The following CNIH3 variants were observed in gnomAD, a reference collection of about 807,000 sequenced individuals.
The protein encoded by CNIH3 is cornichon family AMPA receptor auxiliary protein 3.
A neutral mutation model predicts 24.1 loss-of-function variants in CNIH3; 14 were observed. That is an observed-to-expected ratio of 0.58 (90% CI 0.38 to 0.91). CNIH3 has a LOEUF of 0.91. Ranked by LOEUF, CNIH3 falls within the 40% of genes least tolerant of loss-of-function variation. The pLI is 0.00. For missense variants in CNIH3, 178 were observed against 196.8 expected, an observed-to-expected ratio of 0.90 and a Z score of 0.57; for synonymous variants, 68 against 73.8, an observed-to-expected ratio of 0.92 and a Z score of 0.40.
intron 2 of CNIH3, among the ~76,000 whole-genome samples, chr1:224,534,799 C>T (rs1679217593): frequency 1.3e-5 from 2 of 152,224 alleles, no homozygotes; most frequent in Admixed American, 1.3e-4. Context: ...TTACTTTCCT[C>T]ACCTTTTCAC....
chr1:224,553,971 T>C (rs765972119), intron 3 of CNIH3, among the ~76,000 whole-genome samples: 2 of 152,148 alleles, frequency 1.3e-5, no homozygotes, highest in Non-Finnish European at 2.9e-5. Context: ...ACTCAGTTTG[T>C]TGAGGATTCA....
Position 224,740,153 on chromosome 1 carries a change from A to C in CNIH3, c.*797A>C, listed in dbSNP as rs1056092982. On this transcript the variant is annotated 3_prime_UTR_variant, in exon 6 of 6. Transcript: ENST00000272133. ...AACCCCAGACAGCTCAGAGCTCAGAAAATCCTGTGGAGTGGCTGCTCTGTA... is the reference window on the plus strand; with the variant it reads ...AACCCCAGACAGCTCAGAGCTCAGACAATCCTGTGGAGTGGCTGCTCTGTA... 6.6e-6 allele frequency: 1 copy of C among 152,230 alleles called. No individual in the cohort carries two copies. The highest frequency in any genetic ancestry group is 2.4e-5 in the African/African-American group (1 of 41,446). 9.4% of individuals were successfully genotyped at this position (152,230 alleles called of 1,614,324 possible).
chr1:224,608,852 G>C (rs979573254), intron 3 of CNIH3, among the ~76,000 whole-genome samples: 2 of 152,172 alleles, frequency 1.3e-5, no homozygotes, highest in Non-Finnish European at 2.9e-5. Context: ...TTGTACACGT[G>C]CTCACTTGAG....
chr1:224,583,611 C>A (rs1211401075), intron 5 of CNIH3, among the ~76,000 whole-genome samples: 1 of 152,154 alleles, frequency 6.6e-6, no homozygotes, highest in Non-Finnish European at 1.5e-5. Context: ...TTAGTGATTC[C>A]TAATCAGAGA....
At chr1:224,583,182 A>G (rs902447235) in exon 5 of CNIH3, 3 of 152,266 alleles carry the variant, frequency 2.0e-5, no homozygotes, top group Non-Finnish European at 4.4e-5. Context: ...AAAGTGCTGT[A>G]AGATTTCACA....
At chr1:224,545,021 C>T (rs906900340) in intron 2 of CNIH3, among the ~76,000 whole-genome samples, 1 of 152,222 alleles carries the variant, frequency 6.6e-6, no homozygotes, top group African/African-American at 2.4e-5. Context: ...AGGTCCTGCT[C>T]AGATAAGCCT....
intron 1 of CNIH3, among the ~76,000 whole-genome samples, chr1:224,519,691 A>G (rs1479900956): frequency 6.7e-6 from 1 of 150,198 alleles, no homozygotes; most frequent in South Asian, 2.1e-4. Context: ...GTATATGTAT[A>G]CTATATATGT....
upstream of CNIH3, among the ~76,000 whole-genome samples, chr1:224,513,305 C>T (rs902895014): frequency 8.9e-4 from 114 of 128,300 alleles, no homozygotes; most frequent in African/African-American, 3.3e-3. Flanking sequence ...CATACCACCA[C>T]ACCTGGTTAA....
At chr1:224,566,046 T>A (rs1680568325) in intron 3 of CNIH3, among the ~76,000 whole-genome samples, 1 of 148,982 alleles carries the variant, frequency 6.7e-6, no homozygotes, top group South Asian at 2.1e-4. Context: ...TTTTTTTTTA[T>A]TCTCTCCCCA....
At chr1:224,493,252 C>T (rs1166644222) in intron 1 of CNIH3, among the ~76,000 whole-genome samples, 9 of 151,978 alleles carry the variant, frequency 5.9e-5, no homozygotes, top group African/African-American at 1.5e-4. Context: ...GTGACTGATT[C>T]GTGTAATATA....
chr1:224,545,370 A>G (rs958057912), intron 2 of CNIH3, among the ~76,000 whole-genome samples: 4 of 152,206 alleles, frequency 2.6e-5, no homozygotes, highest in Non-Finnish European at 4.4e-5. Context: ...CAGAGTCTAC[A>G]ATGAACTGTG....
intron 3 of CNIH3, among the ~76,000 whole-genome samples, chr1:224,701,980 C>G (rs973642924): frequency 6.6e-6 from 1 of 152,148 alleles, no homozygotes; most frequent in African/African-American, 2.4e-5. Flanking sequence ...CACCCTTGTC[C>G]TTCCTAACTC....
chr1:224,616,658 C>A lies in CNIH3; in HGVS notation c.-517C>A. 15 of 988,196 alleles carry A rather than the reference C, an allele frequency of 1.5e-5. No homozygotes were observed. Among genetic ancestry groups the A allele is most frequent in the Non-Finnish European group, 1.7e-5 (14 of 831,968 alleles). 61.2% of individuals were successfully genotyped at this position (988,196 alleles called of 1,614,324 possible). On this transcript the variant is annotated 5_prime_UTR_variant, in exon 1 of 6. Transcript: ENST00000272133. ...GCCCGGCTCTGGGATTTGGGAGGAG[C>A]TCGGAGGCCGCTCGGGCACCTCGCT...
Position 224,684,344 on chromosome 1 carries a change from A to T in CNIH3, c.151-452A>T, listed in dbSNP as rs1686549966. Among the ~76,000 whole-genome samples the T allele has an allele frequency of 6.6e-6, 1 of 152,230 alleles. No homozygotes were observed. Among genetic ancestry groups the T allele is most frequent in the Non-Finnish European group, 1.5e-5 (1 of 68,038 alleles). ...TTAGAAAAATAAAACCAGCAGGCAG[A>T]GAACTTGTCTACCTTAGATACTAAT... is the stretch of plus-strand genomic sequence containing the variant. On this transcript the variant is annotated intron_variant, in intron 2 of 5. Coordinates refer to ENST00000272133, the MANE Select transcript of CNIH3 (RefSeq NM_152495.2). This position sits in a 1 kb window ranked among gnomAD's most constrained non-coding sequence, Gnocchi z 4.2.
At chr1:224,655,433 T>G (rs1332058388) in intron 1 of CNIH3, among the ~76,000 whole-genome samples, 1 of 152,010 alleles carries the variant, frequency 6.6e-6, no homozygotes, top group African/African-American at 2.4e-5. Context: ...ATGGAGGCTT[T>G]TGAGCGCAGT....
At chr1:224,678,243 T>G (rs1007861796) in intron 1 of CNIH3, among the ~76,000 whole-genome samples, 15 of 152,132 alleles carry the variant, frequency 9.9e-5, no homozygotes, top group African/African-American at 3.4e-4. Flanking sequence ...CAGAATGAGG[T>G]GGACTGAGTT....
intron 1 of CNIH3, among the ~76,000 whole-genome samples, chr1:224,639,942 C>T (rs547889295): frequency 4.3e-4 from 65 of 152,286 alleles, no homozygotes; most frequent in Admixed American, 1.1e-3. Flanking sequence ...GTATCACCTC[C>T]ATGTATTGAG....
intron 1 of CNIH3, among the ~76,000 whole-genome samples, chr1:224,651,769 T>G (rs539182667): frequency 6.6e-6 from 1 of 152,360 alleles, no homozygotes; most frequent in Non-Finnish European, 1.5e-5. Context: ...GTTTCTAGTT[T>G]TTTGTGATCT....
chr1:224,583,974 G>T (rs920588346), intron 5 of CNIH3, among the ~76,000 whole-genome samples: 3 of 152,140 alleles, frequency 2.0e-5, no homozygotes. Context: ...ACTTCCTGTC[G>T]TATTTTCCAC....
Sources: gnomAD v4.1 joint callset for allele counts (sites outside exome capture counted in the v4.1 genomes callset) on GRCh38, gnomAD v4.1.1 for gene constraint, Gnocchi (gnomAD v3.1) non-coding constraint, MANE v1.5 for transcripts, NCBI Gene and HGNC (gene_info 2026-07-23, HGNC 2026-07-21) for gene names.